Variants in OSBPL6 observed in about 807,000 individuals in gnomAD.
The protein encoded by OSBPL6 is oxysterol-binding protein-related protein 6.
A neutral mutation model predicts 125.8 loss-of-function variants in OSBPL6; 49 were observed. The ratio of observed to expected loss-of-function variants is 0.39; its 90% CI spans 0.31 to 0.49. The LOEUF is 0.49. Among genes scored for constraint, OSBPL6 ranks in the 20% least tolerant of loss-of-function variants. The probability of loss-of-function intolerance (pLI) is 0.88; values close to 1 mark genes in which losing one functional copy is unlikely to be tolerated. For missense variants in OSBPL6, 986 were observed against 1,135.4 expected, an observed-to-expected ratio of 0.87 and a Z score of 1.89; for synonymous variants, 394 against 391.8, an observed-to-expected ratio of 1.01 and a Z score of -0.07.
intron 1 of OSBPL6, among the ~76,000 whole-genome samples, chr2:178,196,689 A>T (rs1473516798): frequency 1.3e-5 from 2 of 152,200 alleles, no homozygotes; most frequent in African/African-American, 4.8e-5. Flanking sequence ...CTGCATAAGG[A>T]GATAAAAATT....
rs6147046 is a variant in OSBPL6, at chr2:178,317,437, C to CATATATATAT, written c.103-6706_103-6697dup. On this transcript the variant is annotated intron_variant, in intron 3 of 24. Coordinates refer to ENST00000190611, the MANE Select transcript of OSBPL6 (RefSeq NM_032523.4). ...TATGTCGCAGCAGAAACTTAGACAC[C>CATATATATAT]ATATATATATATATATATATATATA... is the stretch of plus-strand genomic sequence containing the variant. Among the ~76,000 whole-genome samples, 365 of 106,880 alleles carry CATATATATAT rather than the reference C, an allele frequency of 3.4e-3. 3 individuals are homozygous for CATATATATAT. Among genetic ancestry groups the CATATATATAT allele is most frequent in the Non-Finnish European group, 4.6e-3 (254 of 54,658 alleles). 70.1% of individuals were successfully genotyped at this position (106,880 alleles called of 152,430 possible). A position where few individuals can be genotyped will look rare whatever the true frequency, so the allele number is the denominator to read the frequency against.
intron 1 of OSBPL6, among the ~76,000 whole-genome samples, chr2:178,241,783 T>G (rs1354243044): frequency 6.6e-6 from 1 of 152,198 alleles, no homozygotes; most frequent in East Asian, 1.9e-4. Context: ...AACAGTGACT[T>G]TAAGATGATT....
intron 1 of OSBPL6, among the ~76,000 whole-genome samples, chr2:178,232,752 C>T (rs2090888485): frequency 1.3e-5 from 2 of 151,692 alleles, no homozygotes; most frequent in South Asian, 4.2e-4. Flanking sequence ...GAGGTTTCTA[C>T]TCAGCCCAGT....
chr2:178,204,038 T>TC (rs1223304972), intron 1 of OSBPL6, among the ~76,000 whole-genome samples: 1 of 150,670 alleles, frequency 6.6e-6, no homozygotes, highest in African/African-American at 2.4e-5. Context: ...TTTTTTTTTT[T>TC]TTTTTGAGAC....
intron 1 of OSBPL6, among the ~76,000 whole-genome samples, chr2:178,235,934 A>G (rs747922915): frequency 9.9e-5 from 15 of 152,262 alleles, no homozygotes; most frequent in African/African-American, 1.2e-4. Flanking sequence ...GAAAATGTCA[A>G]TTTTTGTTTT....
chr2:178,254,176 G>A (rs1029224577), intron 1 of OSBPL6, among the ~76,000 whole-genome samples: 1 of 152,090 alleles, frequency 6.6e-6, no homozygotes, highest in Admixed American at 6.5e-5. Context: ...GGCGGATCAC[G>A]AGGTCAGGAG....
chr2:178,239,906 T>C (rs1400081621), intron 1 of OSBPL6, among the ~76,000 whole-genome samples: 1 of 152,016 alleles, frequency 6.6e-6, no homozygotes, highest in Non-Finnish European at 1.5e-5. Flanking sequence ...GGATTACAGG[T>C]GTGAGCCACC....
intron 1 of OSBPL6, among the ~76,000 whole-genome samples, chr2:178,241,433 T>C (rs1574598880): frequency 6.9e-6 from 1 of 145,814 alleles, no homozygotes; most frequent in East Asian, 2.0e-4. Flanking sequence ...TTTTTTTTTC[T>C]GAGACATGGT....
intron 11 of OSBPL6, among the ~76,000 whole-genome samples, chr2:178,345,138 A>G (rs533723616): frequency 6.6e-6 from 1 of 152,346 alleles, no homozygotes; most frequent in Admixed American, 6.5e-5. Flanking sequence ...GCCAATTATA[A>G]TATTTGTTTA....
intron 2 of OSBPL6, among the ~76,000 whole-genome samples, chr2:178,305,335 A>G (rs73030658): frequency 0.025 from 3,770 of 152,280 alleles, 170 homozygotes; most frequent in African/African-American, 0.086. Context: ...TAACCTTAAT[A>G]CTAACAATGC....
chr2:178,318,224 C>A (rs990974081), intron 3 of OSBPL6, among the ~76,000 whole-genome samples: 1 of 152,186 alleles, frequency 6.6e-6, no homozygotes, highest in African/African-American at 2.4e-5. Context: ...TCTTACAATA[C>A]AGGGTGTCTT....
intron 1 of OSBPL6, among the ~76,000 whole-genome samples, chr2:178,270,010 A>C (rs2092340519): frequency 1.3e-5 from 2 of 152,160 alleles, no homozygotes. Flanking sequence ...GGACGATAAC[A>C]CACTGGCTTG....
At chr2:178,318,204 A>T (rs530336526) in intron 3 of OSBPL6, among the ~76,000 whole-genome samples, 117 of 152,228 alleles carry the variant, frequency 7.7e-4, no homozygotes, top group Non-Finnish European at 1.4e-3. Flanking sequence ...TGATGGGTCC[A>T]CATGGTATTT....
chr2:178,207,440 T>C (rs1251306796), intron 1 of OSBPL6, among the ~76,000 whole-genome samples: 8 of 152,232 alleles, frequency 5.3e-5, no homozygotes. Context: ...TATCCTTCAC[T>C]TAATCATATG....
chr2:178,383,523 A>G (rs1452086628), intron 17 of OSBPL6, among the ~76,000 whole-genome samples: 2 of 152,192 alleles, frequency 1.3e-5, no homozygotes, highest in East Asian at 3.9e-4. Context: ...TAAAGGTCTC[A>G]TACTCCTTAG....
At chr2:178,382,399 G>T (rs757295870) in intron 15 of OSBPL6, 21 bp from the exon 16 acceptor site, 1 of 1,575,856 alleles carries the variant, frequency 6.3e-7, no homozygotes, top group African/African-American at 1.4e-5. Context: ...TCTGATCCTT[G>T]TATGTTCTTC....
intron 1 of OSBPL6, among the ~76,000 whole-genome samples, chr2:178,218,212 A>T (rs1227401841): frequency 2.0e-5 from 3 of 152,118 alleles, no homozygotes; most frequent in African/African-American, 7.2e-5. Context: ...TTTGAAAAGG[A>T]GGTTGGAAGG....
rs140229932 is a variant in OSBPL6, at chr2:178,376,297, C to T, written c.1533+2270C>T. On this transcript the variant is annotated intron_variant, in intron 15 of 24. Coordinates refer to ENST00000190611, the MANE Select transcript of OSBPL6 (RefSeq NM_032523.4). ...CCCAGCCTGCCCATACCTCTCATAT[C>T]GCCTATCTAAGTGCCCCCTACCCAA... Among the ~76,000 whole-genome samples, 1,020 of 152,224 alleles carry T rather than the reference C, an allele frequency of 6.7e-3. 8 individuals are homozygous for T. The highest frequency in any genetic ancestry group is 0.023 in the African/African-American group (952 of 41,534).
At chr2:178,286,614 C>A (rs995399369) in intron 2 of OSBPL6, among the ~76,000 whole-genome samples, 1 of 152,180 alleles carries the variant, frequency 6.6e-6, no homozygotes, top group African/African-American at 2.4e-5. Context: ...TGCTCTGCAT[C>A]ATTTTTTCCA....
Sources: allele counts gnomAD v4.1 joint callset (sites outside exome capture counted in the v4.1 genomes callset), GRCh38; gene constraint gnomAD v4.1.1; transcripts MANE v1.5; gene names NCBI Gene and HGNC (gene_info 2026-07-23, HGNC 2026-07-21).